Variants in RTN1 observed in about 807,000 individuals in gnomAD.
The protein encoded by RTN1 is reticulon 1, also known as reticulon-1.
Under a neutral mutation model 65.5 loss-of-function variants are expected in RTN1, and 25 were observed. The observed-to-expected ratio is 0.38, with a 90% confidence interval of 0.28 to 0.53. The LOEUF (loss-of-function observed/expected upper bound fraction) is 0.53, where lower values mean the gene tolerates loss of function less well. RTN1 is among the 20% of genes least tolerant of loss of function. The pLI is 0.79. For missense variants in RTN1, 983 were observed against 1,025.4 expected, an observed-to-expected ratio of 0.96 and a Z score of 0.57; for synonymous variants, 471 against 447.6, an observed-to-expected ratio of 1.05 and a Z score of -0.66.
intron 1 of RTN1, among the ~76,000 whole-genome samples, chr14:59,807,847 G>C (rs1362483368): frequency 6.6e-6 from 1 of 152,204 alleles, no homozygotes; most frequent in African/African-American, 2.4e-5. Context: ...AAGTGGATGA[G>C]AAAGCACTGA....
At chr14:59,801,393 C>G (rs1347530218) in intron 1 of RTN1, among the ~76,000 whole-genome samples, 1 of 152,066 alleles carries the variant, frequency 6.6e-6, no homozygotes, top group Non-Finnish European at 1.5e-5. Flanking sequence ...AAGATAAGAA[C>G]TATAACAGCC....
chr14:59,812,807 A>T (rs556878115), intron 1 of RTN1, among the ~76,000 whole-genome samples: 7 of 152,360 alleles, frequency 4.6e-5, no homozygotes, highest in African/African-American at 1.7e-4. Flanking sequence ...TATTGCACTT[A>T]AAAGTACAAA....
At chr14:59,859,873 T>C (rs1392838375) in intron 1 of RTN1, among the ~76,000 whole-genome samples, 1 of 152,148 alleles carries the variant, frequency 6.6e-6, no homozygotes, top group Non-Finnish European at 1.5e-5. Context: ...TTGAGAGAGA[T>C]GATTTACGGT....
chr14:59,655,170 A>G (rs552935231), intron 3 of RTN1, among the ~76,000 whole-genome samples: 1 of 152,352 alleles, frequency 6.6e-6, no homozygotes, highest in South Asian at 2.1e-4. Flanking sequence ...GCAGTGAACA[A>G]TAAAAAATGA....
In RTN1 at chr14:59,774,844, G is replaced by T. The variant is rs1295586608; in HGVS notation, c.242-28363C>A. On this transcript the variant is annotated intron_variant, in intron 1 of 8. Coordinates refer to ENST00000267484, the MANE Select transcript of RTN1 (RefSeq NM_021136.3). This position sits in a 1 kb window ranked among gnomAD's most constrained non-coding sequence, Gnocchi z 5.1. ...TCACTCTTCTGAACAATTTCTTGAT[G>T]ATTAAAGTACCGTCTTTTTCTCATT... is the stretch of plus-strand genomic sequence containing the variant. Among the ~76,000 whole-genome samples the T allele has an allele frequency of 1.3e-5, 2 of 152,138 alleles. No individual in the cohort carries two copies. Among genetic ancestry groups the T allele is most frequent in the African/African-American group, 4.8e-5 (2 of 41,428 alleles).
chr14:59,801,245 C>A (rs1445292495), intron 1 of RTN1, among the ~76,000 whole-genome samples: 2 of 152,042 alleles, frequency 1.3e-5, no homozygotes, highest in Non-Finnish European at 2.9e-5. Context: ...GATTCAAGAA[C>A]CCTAGGAGAC....
chr14:59,808,363 G>C (rs1354127774), intron 1 of RTN1, among the ~76,000 whole-genome samples: 1 of 152,186 alleles, frequency 6.6e-6, no homozygotes, highest in African/African-American at 2.4e-5. Context: ...ACTTTGGAAT[G>C]CTGATTTCCA....
intron 1 of RTN1, among the ~76,000 whole-genome samples, chr14:59,818,614 G>C (rs1253268): frequency 6.6e-6 from 1 of 152,232 alleles, no homozygotes; most frequent in South Asian, 2.1e-4. Context: ...CGAATAGTAT[G>C]ATGATGAACA....
intron 1 of RTN1, among the ~76,000 whole-genome samples, chr14:59,815,565 T>C (rs548878032): frequency 2.5e-4 from 38 of 152,334 alleles, no homozygotes; most frequent in African/African-American, 9.1e-4. Context: ...TTTCTCAGTC[T>C]GACCGAAAGC....
chr14:59,596,490 C>A lies in RTN1; in HGVS notation c.*255G>T. On this transcript the variant is annotated 3_prime_UTR_variant, in exon 9 of 9. Coordinates refer to ENST00000267484, the MANE Select transcript of RTN1 (RefSeq NM_021136.3). The stretch of plus-strand genomic sequence containing the variant: ...GATAACTTGGGCTCTCACCATCATG[C>A]ACTTTTTTTAGCAACACAAAATTAA... 3.4e-6 allele frequency: 1 copy of A among 297,000 alleles called. No individual in the cohort carries two copies. 18.4% of individuals were successfully genotyped at this position (297,000 alleles called of 1,614,324 possible). A position where few individuals can be genotyped will look rare whatever the true frequency, so the allele number is the denominator to read the frequency against.
intron 3 of RTN1, among the ~76,000 whole-genome samples, chr14:59,711,824 T>G (rs1004505866): frequency 7.9e-5 from 12 of 152,180 alleles, no homozygotes; most frequent in African/African-American, 2.7e-4. Flanking sequence ...AGGTCCATGA[T>G]AGGGACCTCA....
intron 1 of RTN1, among the ~76,000 whole-genome samples, chr14:59,822,527 T>A (rs147490255): frequency 9.5e-4 from 144 of 152,320 alleles, no homozygotes; most frequent in African/African-American, 3.3e-3. Flanking sequence ...TGCTCTGACT[T>A]TGGTTATTTG....
At chr14:59,799,720 G>A (rs1013238549) in intron 1 of RTN1, among the ~76,000 whole-genome samples, 9 of 152,164 alleles carry the variant, frequency 5.9e-5, no homozygotes, top group South Asian at 2.1e-4. Context: ...CATTCAGGTC[G>A]TGACCAGGTG....
intron 3 of RTN1, among the ~76,000 whole-genome samples, chr14:59,615,392 T>A (rs539225232): frequency 3.3e-5 from 5 of 152,246 alleles, no homozygotes; most frequent in African/African-American, 1.2e-4. Context: ...GAGGTTGCGA[T>A]GAACAGAGAT....
intron 3 of RTN1, among the ~76,000 whole-genome samples, chr14:59,640,600 C>T (rs1376564091): frequency 6.6e-6 from 1 of 152,176 alleles, no homozygotes; most frequent in African/African-American, 2.4e-5. Context: ...CAGGCGTGAG[C>T]CACCGTGCCT....
In RTN1 at chr14:59,749,420, C is replaced by A. The variant is rs62651099; in HGVS notation, c.242-2939G>T. Among the ~76,000 whole-genome samples, 32 of 34,936 alleles carry A rather than the reference C, an allele frequency of 9.2e-4. 4 individuals carry two copies. The highest frequency in any genetic ancestry group is 1.7e-3 in the African/African-American group (9 of 5,180). 22.9% of individuals were successfully genotyped at this position (34,936 alleles called of 152,430 possible). ...TATATATATCTATATCTATATATAT[C>A]TATATATCTATATATATCTATATCT... On this transcript the variant is annotated intron_variant, in intron 1 of 8. Coordinates refer to ENST00000267484, the MANE Select transcript of RTN1 (RefSeq NM_021136.3).
At chr14:59,614,781 T>G (rs1025155785) in intron 3 of RTN1, among the ~76,000 whole-genome samples, 2 of 152,190 alleles carry the variant, frequency 1.3e-5, no homozygotes, top group Admixed American at 6.5e-5. Context: ...TTCTGTCCGA[T>G]GTCCTAGGCT....
chr14:59,643,440 G>A (rs908778164), intron 3 of RTN1, among the ~76,000 whole-genome samples: 7 of 152,130 alleles, frequency 4.6e-5, no homozygotes, highest in Admixed American at 2.0e-4. Context: ...GGCTGGTCTC[G>A]GACTCCTGAC....
chr14:59,854,680 A>C (rs1887573301), intron 1 of RTN1, among the ~76,000 whole-genome samples: 1 of 151,974 alleles, frequency 6.6e-6, no homozygotes, highest in Non-Finnish European at 1.5e-5. Flanking sequence ...GCTGCACAAG[A>C]AAAGCCTAAA....
Sources: gnomAD v4.1 joint callset for allele counts (sites outside exome capture counted in the v4.1 genomes callset) on GRCh38, gnomAD v4.1.1 for gene constraint, Gnocchi (gnomAD v3.1) non-coding constraint, MANE v1.5 for transcripts, NCBI Gene and HGNC (gene_info 2026-07-23, HGNC 2026-07-21) for gene names.